CHD1L: variants seen among roughly 807,000 people sequenced by gnomAD.
CHD1L encodes ATP-dependent chromatin remodeler CHD1L.
In CHD1L, 118 loss-of-function variants were observed where a neutral mutation model predicts 115.9. That is an observed-to-expected ratio of 1.02 (90% CI 0.88 to 1.19). CHD1L has a LOEUF of 1.19. Ranked by LOEUF, CHD1L falls within the 50% of genes most tolerant of loss-of-function variation. CHD1L has a pLI of 0.00. For synonymous variants in CHD1L, 411 were observed against 387.1 expected (o/e 1.06, Z -0.72); for missense variants, 1,179 against 1,065.3 (o/e 1.11, Z -1.49).
At chr1:147,185,342 TTA>T in the CHD1L span, among the ~76,000 whole-genome samples, 5 of 150,954 alleles carry the variant, frequency 3.3e-5, no homozygotes, top group Non-Finnish European at 5.9e-5. Context: ...AAAGAGAAAT[TTA>T]TATGTTAAAA....
Position 147,295,078 on chromosome 1 carries a change from AC to A in CHD1L, c.2616-352del, listed in dbSNP as rs587645948. ...AACTATTATATTGAGTCCCAAAATT[AC>A]TAGAGAAAGCAGAATTGACCCCAAG... On this transcript the variant is annotated intron_variant, in intron 22 of 22. Coordinates refer to ENST00000369258, the MANE Select transcript of CHD1L (RefSeq NM_004284.6). 3.9e-5 allele frequency among the ~76,000 whole-genome samples: 6 copies of A among 152,352 alleles called. No individual in the cohort carries two copies. The South Asian group carries it at 1.2e-3, about 32-fold the overall frequency.
At chr1:147,243,554 G>A (rs11239952) in intron 1 of CHD1L, among the ~76,000 whole-genome samples, 16,498 of 152,024 alleles carry the variant, frequency 0.11, 1,532 homozygotes, top group African/African-American at 0.25. Flanking sequence ...ATGGCTGACC[G>A]TACTTCCTGC....
chr1:147,204,839 T>G, the CHD1L span: 1 of 1,602,786 alleles, frequency 6.2e-7, no homozygotes, highest in Non-Finnish European at 8.5e-7. Flanking sequence ...GCTTGTATGT[T>G]TCTATACACA....
chr1:147,264,525 A>G lies in CHD1L; in HGVS notation c.680A>G (p.Lys227Arg), dbSNP rs782520618. 3 of 1,614,064 alleles carry G rather than the reference A, an allele frequency of 1.9e-6. No individual in the cohort carries two copies. The highest frequency in any genetic ancestry group is 1.1e-5 in the South Asian group (1 of 91,072). The change falls in exon 7 of 23, where the codon AAG becomes AGG. Residue 227 changes from lysine to arginine, a missense_variant. Lys to Arg is a conservative substitution (Grantham distance 26). Coordinates refer to ENST00000369258, the MANE Select transcript of CHD1L (RefSeq NM_004284.6). Reference protein sequence around the residue: ...LSFVEPDLFSKEEVGDFIQRY... With the variant: ...LSFVEPDLFSREEVGDFIQRY... ...TTTGTGGAGCCTGATCTCTTTTCCA[A>G]GGAAGAGGTGGGAGATTTTATTCAA... is the stretch of plus-strand genomic sequence containing the variant.
chr1:147,212,443 C>T, the CHD1L span: 2 of 1,614,052 alleles, frequency 1.2e-6, no homozygotes, highest in Admixed American at 3.3e-5. Context: ...CCAGAATTCC[C>T]AATGCCAATT....
intron 1 of CHD1L, among the ~76,000 whole-genome samples, chr1:147,243,835 A>G (rs1485281947): frequency 6.6e-6 from 1 of 152,240 alleles, no homozygotes; most frequent in Non-Finnish European, 1.5e-5. Flanking sequence ...TTAAAAGTAT[A>G]AACTAATTTA....
At chr1:147,256,801 G>A (rs1670308306) in intron 5 of CHD1L, among the ~76,000 whole-genome samples, 1 of 152,112 alleles carries the variant, frequency 6.6e-6, no homozygotes, top group Non-Finnish European at 1.5e-5. Context: ...GTAAAATGAG[G>A]ATAATTGTTT....
chr1:147,279,770 AT>A (rs1313622341), intron 14 of CHD1L, among the ~76,000 whole-genome samples: 3 of 151,948 alleles, frequency 2.0e-5, no homozygotes, highest in East Asian at 1.9e-4. Flanking sequence ...AGGCTTATAC[AT>A]TTTTTTTGTT....
chr1:147,252,714 G>C lies in CHD1L; in HGVS notation c.219G>C (p.Met73Ile). ...ATGGCTGTATCCTGGGAGATGAGAT[G>C]GGCCTGGGGAAGACCTGCCAGGTGT... ...CQNGCILGDEMGLGKTCQTIA... is the reference protein window; with the variant it reads ...CQNGCILGDEIGLGKTCQTIA... The change falls in exon 2 of 23, where the codon ATG (methionine) becomes ATC (isoleucine). Residue 73 changes from methionine to isoleucine, a missense_variant. Transcript: ENST00000369258. 1 of 1,613,948 alleles carries C rather than the reference G, an allele frequency of 6.2e-7. No individual in the cohort carries two copies.
At chr1:147,290,090 T>A (rs1684909588) in intron 19 of CHD1L, among the ~76,000 whole-genome samples, 1 of 152,114 alleles carries the variant, frequency 6.6e-6, no homozygotes, top group African/African-American at 2.4e-5. Context: ...AAAGGTTTTT[T>A]GTTGTTTTGT....
chr1:147,278,552 C>G (rs1267490577), intron 14 of CHD1L, among the ~76,000 whole-genome samples: 1 of 148,654 alleles, frequency 6.7e-6, no homozygotes, highest in East Asian at 2.0e-4. Context: ...TACCAAGAAA[C>G]CAAAAGTAAA....
At chr1:147,208,536 C>A in the CHD1L span, 101 of 216,182 alleles carry the variant, frequency 4.7e-4, 1 homozygote, top group African/African-American at 2.2e-3. Context: ...GCCTCCAGGG[C>A]TCAGGTGATT....
chr1:147,208,771 G>T, the CHD1L span: 2 of 1,161,600 alleles, frequency 1.7e-6, no homozygotes, highest in Non-Finnish European at 1.3e-6. Context: ...GGGTAGAGGT[G>T]GCTTTACTAT....
At chr1:147,173,744 G>A in the CHD1L span, among the ~76,000 whole-genome samples, 1 of 152,170 alleles carries the variant, frequency 6.6e-6, no homozygotes, top group South Asian at 2.1e-4. Flanking sequence ...TGTTAGAAAT[G>A]CAGAATCAGG....
At chr1:147,291,308 G>T (rs1452957937) in intron 19 of CHD1L, among the ~76,000 whole-genome samples, 174 bp from the exon 20 acceptor site, 3 of 152,140 alleles carry the variant, frequency 2.0e-5, no homozygotes, top group Non-Finnish European at 4.4e-5. Flanking sequence ...ATTCAGGAGT[G>T]AAGCAGGTGA....
chr1:147,259,758 C>T, intron 5 of CHD1L, 79 bp from the exon 6 acceptor site: 1 of 1,218,238 alleles, frequency 8.2e-7, no homozygotes, highest in Non-Finnish European at 1.2e-6. Context: ...ATAACAGTCA[C>T]AGTTTTGTAG....
At chr1:147,195,917 G>C in the CHD1L span, among the ~76,000 whole-genome samples, 1 of 152,014 alleles carries the variant, frequency 6.6e-6, no homozygotes, top group Admixed American at 6.5e-5. Context: ...ATAATTATTT[G>C]ACTGCTCTGG....
chr1:147,255,630 T>C (rs1382967540), intron 3 of CHD1L, among the ~76,000 whole-genome samples, 183 bp from the exon 4 acceptor site: 3 of 152,194 alleles, frequency 2.0e-5, no homozygotes, highest in South Asian at 2.1e-4. Flanking sequence ...CCTGTTCACA[T>C]AGGAACTCGC....
intron 18 of CHD1L, 22 bp from the exon 19 acceptor site, chr1:147,287,613 A>C: frequency 1.3e-6 from 2 of 1,599,548 alleles, no homozygotes; most frequent in Non-Finnish European, 1.7e-6. Context: ...TATAGATGAA[A>C]ATTTTCTCTT....
Sources: allele counts gnomAD v4.1 joint callset (sites outside exome capture counted in the v4.1 genomes callset), GRCh38; gene constraint gnomAD v4.1.1; transcripts MANE v1.5; gene names NCBI Gene and HGNC (gene_info 2026-07-23, HGNC 2026-07-21).